PCDHGA3: variants seen among roughly 807,000 people sequenced by gnomAD.
PCDHGA3 encodes the protein protocadherin gamma subfamily A, 3, also known as protocadherin gamma-A3.
A neutral mutation model predicts 58.5 loss-of-function variants in PCDHGA3; 40 were observed. That is an observed-to-expected ratio of 0.68 (90% CI 0.53 to 0.89). The LOEUF (loss-of-function observed/expected upper bound fraction) is 0.89. PCDHGA3 is among the 40% of genes least tolerant of loss of function. The probability of loss-of-function intolerance (pLI) is 0.00; values close to 1 mark genes in which losing one functional copy is unlikely to be tolerated. For missense variants in PCDHGA3, 1,223 were observed against 1,195.9 expected (o/e 1.02, Z -0.33); for synonymous variants, 530 against 525.7 (o/e 1.01, Z -0.11).
Position 141,420,299 on chromosome 5 carries a change from T to A in PCDHGA3, c.2424+73842T>A, listed in dbSNP as rs377297222. On this transcript the variant is annotated intron_variant, in intron 1 of 3. Coordinates refer to ENST00000253812, the MANE Select transcript of PCDHGA3 (RefSeq NM_018916.4). Reference sequence around the variant, plus strand: ...GGTAAGTATTTAAAAATGTATTTAATCCTTTTTATATTACAATATGCCAAT... The same window carrying A: ...GGTAAGTATTTAAAAATGTATTTAAACCTTTTTATATTACAATATGCCAAT... 6.8e-6 allele frequency: 10 copies of A among 1,465,980 alleles called. No homozygotes were observed. The African/African-American group carries it at 1.4e-4, about 21-fold the overall frequency. 90.8% of individuals were successfully genotyped at this position (1,465,980 alleles called of 1,614,324 possible). A position where few individuals can be genotyped will look rare whatever the true frequency, so the allele number is the denominator to read the frequency against.
chr5:141,345,381 C>T lies in PCDHGA3; in HGVS notation c.1348C>T (p.Pro450Ser), dbSNP rs1360019726. Residue 450 changes from proline to serine, a missense_variant, in exon 1 of 4, where the codon CCC becomes TCC. By Grantham distance (74) the Pro-to-Ser change is moderately conservative (BLOSUM62 -1). Coordinates refer to ENST00000253812, the MANE Select transcript of PCDHGA3 (RefSeq NM_018916.4). ...LHVIDINDNP[P>S]TFPHLSYSAY... Reference sequence around the variant, plus strand: ...TGTGATTGACATCAATGACAACCCACCCACCTTCCCTCATTTATCCTACTC... The same window carrying T: ...TGTGATTGACATCAATGACAACCCATCCACCTTCCCTCATTTATCCTACTC... 1 of 1,613,992 alleles carries T rather than the reference C, an allele frequency of 6.2e-7. No homozygotes were observed. Among genetic ancestry groups the T allele is most frequent in the Non-Finnish European group, 8.5e-7 (1 of 1,180,024 alleles).
chr5:141,423,141 G>A, intron 1 of PCDHGA3: 1 of 1,613,580 alleles, frequency 6.2e-7, no homozygotes, highest in Non-Finnish European at 8.5e-7. Context: ...ACAGAGACGC[G>A]CTCAAGCAGA....
At chr5:141,418,898 A>G (rs768409383) in intron 1 of PCDHGA3, 2 of 1,614,016 alleles carry the variant, frequency 1.2e-6, no homozygotes, top group South Asian at 2.2e-5. Flanking sequence ...CAGCCCAGAA[A>G]TAATCATCAC....
chr5:141,415,315 G>T (rs201784236), intron 1 of PCDHGA3: 14 of 1,614,208 alleles, frequency 8.7e-6, no homozygotes, highest in African/African-American at 4.0e-5. Context: ...CTTCGTCATC[G>T]TGCTGCTGGC....
chr5:141,385,219 A>C, intron 1 of PCDHGA3: 1 of 1,614,236 alleles, frequency 6.2e-7, no homozygotes, highest in Non-Finnish European at 8.5e-7. Flanking sequence ...CCCCCAGCCC[A>C]ACTATGTAGA....
intron 1 of PCDHGA3, chr5:141,418,003 G>T (rs1441842557): frequency 6.2e-7 from 1 of 1,613,798 alleles, no homozygotes; most frequent in Non-Finnish European, 8.5e-7. Context: ...CGGTGGTGGG[G>T]AACCTCGCTA....
intron 1 of PCDHGA3, chr5:141,394,379 T>G: frequency 6.2e-7 from 1 of 1,614,160 alleles, no homozygotes; most frequent in Non-Finnish European, 8.5e-7. Context: ...CTTTCGACTA[T>G]GAGCAGATCC....
intron 1 of PCDHGA3, chr5:141,468,667 CCATCCTGGCTAA>C (rs2099172391): frequency 6.7e-6 from 1 of 149,836 alleles, no homozygotes; most frequent in African/African-American, 2.5e-5. Flanking sequence ...GAGATCAAGA[CCATCCTGGCTAA>C]CACGGTGAAA....
intron 1 of PCDHGA3, chr5:141,383,475 G>T: frequency 6.2e-7 from 1 of 1,613,594 alleles, no homozygotes; most frequent in Non-Finnish European, 8.5e-7. Flanking sequence ...CTAAGTACCC[G>T]GAACTGGTGC....
intron 1 of PCDHGA3, chr5:141,351,582 T>C: frequency 2.5e-6 from 4 of 1,614,014 alleles, no homozygotes; most frequent in Non-Finnish European, 3.4e-6. Flanking sequence ...ATCTCCGACA[T>C]CAACGACAAT....
Position 141,345,972 on chromosome 5 carries a change from C to G in PCDHGA3, c.1939C>G (p.Gln647Glu), listed in dbSNP as rs753949657. 1 of 1,613,558 alleles carries G rather than the reference C, an allele frequency of 6.2e-7. No individual in the cohort carries two copies. The highest frequency in any genetic ancestry group is 2.2e-5 in the East Asian group (1 of 44,860). Residue 647 changes from glutamine (Q) to glutamate (E), a missense_variant, in exon 1 of 4, where the codon CAG becomes GAG. Gln to Glu is a conservative substitution (Grantham distance 29). Transcript: ENST00000253812. ...ALKQSLVVAVQDHGQPPLSAT... is the reference protein window; with the variant it reads ...ALKQSLVVAVEDHGQPPLSAT... ...CAAGCAGAGCCTCGTGGTGGCCGTC[C>G]AGGACCACGGCCAGCCCCCTCTCTC...
intron 1 of PCDHGA3, chr5:141,350,977 T>A: frequency 6.2e-7 from 1 of 1,614,064 alleles, no homozygotes; most frequent in Non-Finnish European, 8.5e-7. Flanking sequence ...CTCCCGTGTT[T>A]AGCCAGGAGG....
rs747746357 is a variant in PCDHGA3, at chr5:141,352,135, G to T, written c.2424+5678G>T. The T allele has an allele frequency of 3.7e-6, 6 of 1,611,118 alleles. No individual in the cohort carries two copies. The Admixed American group carries it at 8.4e-5, about 22-fold the overall frequency. ...TGCGCACGGGTGAGGTGCGCACAGCGCGTGCCTTGGGCGACAGGGACGCGG... is the reference window on the plus strand; with the variant it reads ...TGCGCACGGGTGAGGTGCGCACAGCTCGTGCCTTGGGCGACAGGGACGCGG... On this transcript the variant is annotated intron_variant, in intron 1 of 3. Coordinates refer to ENST00000253812, the MANE Select transcript of PCDHGA3 (RefSeq NM_018916.4).
chr5:141,434,784 A>C (rs967716221), intron 1 of PCDHGA3, among the ~76,000 whole-genome samples: 1 of 150,278 alleles, frequency 6.7e-6, no homozygotes, highest in African/African-American at 2.5e-5. Flanking sequence ...AAAAAAAAAA[A>C]TTTTTTTTTC....
At chr5:141,363,972 A>G (rs2149852244) in intron 1 of PCDHGA3, among the ~76,000 whole-genome samples, 1 of 152,370 alleles carries the variant, frequency 6.6e-6, no homozygotes, top group Admixed American at 6.5e-5. Context: ...AAGTCTTGCT[A>G]TTCAGAATTA....
Position 141,426,411 on chromosome 5 carries a change from C to A in PCDHGA3, c.2425-68396C>A, listed in dbSNP as rs1561821998. 10 of 286,096 alleles carry A rather than the reference C, an allele frequency of 3.5e-5. No homozygotes were observed. In the South Asian group the frequency reaches 3.7e-4, roughly 11 times the overall value. The allele number at this position is 286,096 out of a possible 1,614,324, so 17.7% of individuals were successfully genotyped here. On this transcript the variant is annotated intron_variant, in intron 1 of 3. Coordinates refer to ENST00000253812, the MANE Select transcript of PCDHGA3 (RefSeq NM_018916.4). ...GCTACTCTATTCCAGAAGAAACGGT[C>A]CAGGGCTCCGTGGTGGGGAACCTTG... is the stretch of plus-strand genomic sequence containing the variant.
Position 141,345,767 on chromosome 5 carries a change from G to A in PCDHGA3, c.1734G>A (p.Ala578=), listed in dbSNP as rs1176914515. The A allele has an allele frequency of 3.1e-6, 5 of 1,614,020 alleles. No individual in the cohort carries two copies. The highest frequency in any genetic ancestry group is 1.3e-5 in the African/African-American group (1 of 74,930). ...PTDGSTGVEL[A]PRSAEPGYLV... ...ACGGTTCCACTGGCGTGGAGCTGGC[G>A]CCTCGCTCCGCAGAGCCCGGCTACC... The change falls in exon 1 of 4, where the codon GCG becomes GCA. Residue 578 remains alanine, a synonymous_variant. Coordinates refer to ENST00000253812, the MANE Select transcript of PCDHGA3 (RefSeq NM_018916.4).
At chr5:141,380,024 C>T (rs1326280237) in intron 1 of PCDHGA3, among the ~76,000 whole-genome samples, 1 of 150,698 alleles carries the variant, frequency 6.6e-6, no homozygotes, top group Non-Finnish European at 1.5e-5. Flanking sequence ...CTCAGCCTCC[C>T]AAGTAGCTGG....
In PCDHGA3 at chr5:141,454,796, A is replaced by ATTTTTTTTTTTTTTTTTTT. The variant is rs61612330; in HGVS notation, c.2425-40000_2425-39982dup. Among the ~76,000 whole-genome samples the ATTTTTTTTTTTTTTTTTTT allele has an allele frequency of 2.8e-4, 22 of 77,458 alleles. 2 individuals are homozygous for ATTTTTTTTTTTTTTTTTTT. Among genetic ancestry groups the ATTTTTTTTTTTTTTTTTTT allele is most frequent in the East Asian group, 4.0e-4 (1 of 2,512 alleles). The allele number at this position is 77,458 out of a possible 152,430, so 50.8% of individuals were successfully genotyped here. The stretch of plus-strand genomic sequence containing the variant: ...AAGGAAATAATCCTCCATGGTTCTA[A>ATTTTTTTTTTTTTTTTTTT]TTTTTTTTTTTTTTTTTTTTTTTTT... On this transcript the variant is annotated intron_variant, in intron 1 of 3. Coordinates refer to ENST00000253812, the MANE Select transcript of PCDHGA3 (RefSeq NM_018916.4).
Sources: allele counts gnomAD v4.1 joint callset (sites outside exome capture counted in the v4.1 genomes callset), GRCh38; gene constraint gnomAD v4.1.1; transcripts MANE v1.5; gene names NCBI Gene and HGNC (gene_info 2026-07-23, HGNC 2026-07-21).